Variants in NEBL observed in about 807,000 individuals in gnomAD.
NEBL encodes nebulette, also known as LIM and SH3 protein 2.
NEBL carries 122 observed loss-of-function variants against 140.2 expected under a neutral mutation model. The ratio of observed to expected loss-of-function variants is 0.87; its 90% CI spans 0.75 to 1.01. The LOEUF (loss-of-function observed/expected upper bound fraction) is 1.01, where lower values mean the gene tolerates loss of function less well. Ranked by LOEUF, NEBL falls within the 50% of genes least tolerant of loss-of-function variation. NEBL has a pLI of 0.00. For synonymous variants in NEBL, 436 were observed against 398.9 expected (o/e 1.09, Z -1.11); for missense variants, 1,365 against 1,231.3 (o/e 1.11, Z -1.62).
intron 2 of NEBL, among the ~76,000 whole-genome samples, chr10:21,022,797 A>G (rs1838850461): frequency 6.6e-6 from 1 of 152,244 alleles, no homozygotes; most frequent in Non-Finnish European, 1.5e-5. Flanking sequence ...TGGACTGTCA[A>G]GAGATAATTT....
rs190071104 is a variant in NEBL at position 21,061,187 on chromosome 10, A to T, written c.165-40986T>A. ...TTATATGTATTATATATATCATATG[A>T]TGTATTATTATAGATCATATAATAT... On this transcript the variant is annotated intron_variant, in intron 2 of 6. Coordinates refer to the NEBL transcript ENST00000417816. 1.6e-3 allele frequency among the ~76,000 whole-genome samples: 234 copies of T among 150,728 alleles called. 8 individuals carry two copies. The highest frequency in any genetic ancestry group is 0.016 in the Admixed American group (234 of 15,084).
intron 2 of NEBL, among the ~76,000 whole-genome samples, chr10:21,074,104 T>C (rs982437592): frequency 2.6e-5 from 4 of 152,004 alleles, no homozygotes; most frequent in African/African-American, 4.8e-5. Context: ...ACTATAGTTA[T>C]CATTTTGCTT....
At chr10:21,181,213 A>G (rs907544650) in intron 3 of NEBL, among the ~76,000 whole-genome samples, 2 of 151,986 alleles carry the variant, frequency 1.3e-5, no homozygotes, top group African/African-American at 2.4e-5. Context: ...CTGTAAGCCA[A>G]GATCGGGCCA....
intron 26 of NEBL, among the ~76,000 whole-genome samples, chr10:20,792,599 C>A (rs564605040): frequency 7.9e-5 from 12 of 152,028 alleles, no homozygotes; most frequent in Non-Finnish European, 1.6e-4. Flanking sequence ...CTCAGGAGTT[C>A]GAGACCAGCC....
intron 4 of NEBL, among the ~76,000 whole-genome samples, chr10:20,956,438 G>T (rs1244714484): frequency 6.6e-6 from 1 of 152,080 alleles, no homozygotes; most frequent in Non-Finnish European, 1.5e-5. Context: ...GAATTCATCA[G>T]TTATTGGTTG....
Position 21,075,663 on chromosome 10 carries a change from T to C in NEBL, c.165-55462A>G, listed in dbSNP as rs539134172. Among the ~76,000 whole-genome samples the C allele has an allele frequency of 7.9e-5, 12 of 152,310 alleles. No individual in the cohort carries two copies. The East Asian group carries it at 1.7e-3, about 22-fold the overall frequency. The stretch of plus-strand genomic sequence containing the variant: ...GGAGGCCCTCATTTTCCTCAACTCT[T>C]AGCTTCAACAATTGCAGTCATATCA... On this transcript the variant is annotated intron_variant, in intron 2 of 6. Transcript: ENST00000417816.
chr10:20,943,362 T>C (rs576967821), intron 4 of NEBL, among the ~76,000 whole-genome samples: 49 of 152,308 alleles, frequency 3.2e-4, no homozygotes, highest in African/African-American at 1.1e-3. Flanking sequence ...ACACCGCATG[T>C]TCTCATTCAT....
At chr10:21,097,083 C>T (rs1291862861) in intron 2 of NEBL, among the ~76,000 whole-genome samples, 1 of 152,020 alleles carries the variant, frequency 6.6e-6, no homozygotes, top group Non-Finnish European at 1.5e-5. Flanking sequence ...AAATTTTCAC[C>T]TCCACTCTCC....
chr10:20,860,130 G>C (rs920694466), intron 7 of NEBL, among the ~76,000 whole-genome samples: 1 of 151,952 alleles, frequency 6.6e-6, no homozygotes, highest in Non-Finnish European at 1.5e-5. Flanking sequence ...TATAATCTAT[G>C]ATCAGTTAGA....
At chr10:20,862,036 T>C (rs1843753070) in intron 7 of NEBL, among the ~76,000 whole-genome samples, 1 of 152,148 alleles carries the variant, frequency 6.6e-6, no homozygotes, top group African/African-American at 2.4e-5. Flanking sequence ...GTTGAACATC[T>C]CATATAATTT....
In NEBL at chr10:20,831,487, C is replaced by T. The variant is rs45461595; in HGVS notation, c.1546G>A (p.Glu516Lys). Reference sequence around the variant, plus strand: ...TGCTGTCTTACCTGGCTGGCCATCTCGGATGCTTTCTTAGCTCTCTGGACA... The same window carrying T: ...TGCTGTCTTACCTGGCTGGCCATCTTGGATGCTTTCTTAGCTCTCTGGACA... ...LDVQRAKKAS[E>K]MASQKQYKKD... The change falls in exon 15 of 28, where the codon GAG (glutamate) becomes AAG (lysine). Residue 516 changes from glutamate to lysine, a missense_variant. Coordinates refer to ENST00000377122, the MANE Select transcript of NEBL (RefSeq NM_006393.3). 1.9e-5 allele frequency: 31 copies of T among 1,609,864 alleles called. No homozygotes were observed. Among genetic ancestry groups the T allele is most frequent in the Middle Eastern group, 1.7e-4 (1 of 6,056 alleles).
chr10:21,026,894 T>C (rs1833522018), intron 2 of NEBL, among the ~76,000 whole-genome samples: 1 of 152,108 alleles, frequency 6.6e-6, no homozygotes, highest in African/African-American at 2.4e-5. Flanking sequence ...ACACCTGCTT[T>C]CTTTATGGGT....
intron 2 of NEBL, among the ~76,000 whole-genome samples, chr10:21,119,432 A>G (rs1398104464): frequency 8.5e-6 from 1 of 117,944 alleles, no homozygotes; most frequent in Non-Finnish European, 1.5e-5. Context: ...TATACTTAAT[A>G]TAACATATAT....
At chr10:21,080,120 T>C (rs1321316720) in intron 2 of NEBL, among the ~76,000 whole-genome samples, 2 of 152,214 alleles carry the variant, frequency 1.3e-5, no homozygotes, top group African/African-American at 4.8e-5. Context: ...CTGGTGGCTG[T>C]GATTTTGTAA....
At chr10:20,994,095 T>C (rs571292718) in intron 3 of NEBL, among the ~76,000 whole-genome samples, 1 of 152,252 alleles carries the variant, frequency 6.6e-6, no homozygotes, top group East Asian at 1.9e-4. Flanking sequence ...AACCTCAGAA[T>C]GCAAAGCGAT....
intron 1 of NEBL, among the ~76,000 whole-genome samples, chr10:21,283,534 T>C (rs145335243): frequency 6.6e-6 from 1 of 152,296 alleles, no homozygotes; most frequent in African/African-American, 2.4e-5. Context: ...CTGGACCCCT[T>C]CCCTATAACT....
chr10:21,185,712 G>A (rs2132210678), intron 3 of NEBL, among the ~76,000 whole-genome samples: 1 of 151,968 alleles, frequency 6.6e-6, no homozygotes, highest in South Asian at 2.1e-4. Context: ...GGCCAGGCTG[G>A]TCTCGAACTC....
rs776315618 is a variant in NEBL at position 20,852,659 on chromosome 10, A to C, written c.904-10T>G. ...GCTTTTTATATTCTCGCTAAAATAC[A>C]GAATGGGGAAATCAACTTAGAATCA... is the stretch of plus-strand genomic sequence containing the variant. On this transcript the variant is annotated splice_polypyrimidine_tract_variant and intron_variant, in intron 9 of 27. Coordinates refer to ENST00000377122, the MANE Select transcript of NEBL (RefSeq NM_006393.3). The C allele has an allele frequency of 1.3e-6, 2 of 1,577,158 alleles. No individual in the cohort carries two copies. Among genetic ancestry groups the C allele is most frequent in the South Asian group, 2.2e-5 (2 of 90,204 alleles).
intron 3 of NEBL, among the ~76,000 whole-genome samples, chr10:21,242,182 G>A (rs1842448515): frequency 6.6e-6 from 1 of 151,972 alleles, no homozygotes; most frequent in African/African-American, 2.4e-5. Flanking sequence ...TCCAGCCTGG[G>A]TGACAGAGCA....
Sources: gnomAD v4.1 joint callset for allele counts (sites outside exome capture counted in the v4.1 genomes callset) on GRCh38, gnomAD v4.1.1 for gene constraint, MANE v1.5 for transcripts, NCBI Gene and HGNC (gene_info 2026-07-23, HGNC 2026-07-21) for gene names.